NDEL1: variants seen among roughly 807,000 people sequenced by gnomAD.
The protein encoded by NDEL1 is nudE neurodevelopment protein 1 like 1, also known as nuclear distribution protein nudE-like 1.
NDEL1 carries 9 observed loss-of-function variants against 45.7 expected under a neutral mutation model. The observed-to-expected ratio is 0.20, with a 90% confidence interval of 0.12 to 0.34. The LOEUF is 0.34. Among genes scored for constraint, NDEL1 ranks in the 10% least tolerant of loss-of-function variants. The probability of loss-of-function intolerance (pLI) is 1.00; values close to 1 mark genes in which losing one functional copy is unlikely to be tolerated. For synonymous variants in NDEL1, 133 were observed against 158.6 expected, an observed-to-expected ratio of 0.84 and a Z score of 1.21; for missense variants, 306 against 406.2, an observed-to-expected ratio of 0.75 and a Z score of 2.12.
intron 1 of NDEL1, among the ~76,000 whole-genome samples, chr17:8,421,115 C>A (rs888523702): frequency 6.6e-6 from 1 of 152,066 alleles, no homozygotes; most frequent in Admixed American, 6.5e-5. Context: ...TAGAGATGAT[C>A]ATTTAGAATG....
At position 8,451,015 on chromosome 17, in the gene NDEL1, G is replaced by A. The variant is rs1422974871; in HGVS notation, c.700+62G>A. On this transcript the variant is annotated intron_variant, in intron 6 of 8. Transcript: ENST00000334527. ...GATGATCAGCTTACGGGGGTTTGTTGCTGAAGGCGGTTGCTAAGGTTTAAA... is the reference window on the plus strand; with the variant it reads ...GATGATCAGCTTACGGGGGTTTGTTACTGAAGGCGGTTGCTAAGGTTTAAA... The A allele has an allele frequency of 1.0e-5, 15 of 1,493,840 alleles. No homozygotes were observed. The Admixed American group carries it at 3.6e-4, about 36-fold the overall frequency. The allele number at this position is 1,493,840 out of a possible 1,614,324, so 92.5% of individuals were successfully genotyped here.
upstream of NDEL1, among the ~76,000 whole-genome samples, chr17:8,432,676 G>C (rs545310677): frequency 2.6e-5 from 4 of 151,862 alleles, no homozygotes; most frequent in Non-Finnish European, 5.9e-5. Flanking sequence ...GAGCCACTGC[G>C]CCTGGCCTAA....
At chr17:8,440,796 A>G (rs1386499609) in intron 1 of NDEL1, among the ~76,000 whole-genome samples, 1 of 152,230 alleles carries the variant, frequency 6.6e-6, no homozygotes, top group East Asian at 1.9e-4. Context: ...CTCAGGGATT[A>G]CTACTTAACT....
At chr17:8,457,303 G>C (rs1051296495) in intron 7 of NDEL1, among the ~76,000 whole-genome samples, 1 of 152,032 alleles carries the variant, frequency 6.6e-6, no homozygotes, top group Non-Finnish European at 1.5e-5. Flanking sequence ...TTTTACTCTT[G>C]GGTTAGTTCT....
intron 1 of NDEL1, among the ~76,000 whole-genome samples, chr17:8,426,878 C>T (rs1484729621): frequency 1.3e-5 from 2 of 152,164 alleles, no homozygotes; most frequent in African/African-American, 2.4e-5. Flanking sequence ...TACCATCACC[C>T]AGGGCAGGAC....
At chr17:8,427,035 G>A (rs1248275653) in intron 1 of NDEL1, among the ~76,000 whole-genome samples, 2 of 152,334 alleles carry the variant, frequency 1.3e-5, no homozygotes, top group Non-Finnish European at 2.9e-5. Flanking sequence ...GAAGCAGGCC[G>A]CATTCTCAGG....
downstream of NDEL1, among the ~76,000 whole-genome samples, chr17:8,472,744 A>AT (rs76962524): frequency 6.8e-6 from 1 of 146,914 alleles, no homozygotes; most frequent in Non-Finnish European, 1.5e-5. Context: ...AAATAAATAA[A>AT]AACAACAACA....
chr17:8,425,066 A>T (rs1170507195), intron 1 of NDEL1, among the ~76,000 whole-genome samples: 1 of 152,216 alleles, frequency 6.6e-6, no homozygotes, highest in Non-Finnish European at 1.5e-5. Flanking sequence ...CTCGTTTCTC[A>T]GTGCTCTTGT....
chr17:8,436,075 AG>A (rs1422396012), intron 1 of NDEL1, 30 bp downstream of exon 1: 1 of 400,710 alleles, frequency 2.5e-6, no homozygotes, highest in African/African-American at 2.2e-5. Context: ...CCGCTCCCTA[AG>A]GGGCTGCGCT....
chr17:8,470,831 G>T (rs1911816353), downstream of NDEL1, among the ~76,000 whole-genome samples: 1 of 152,240 alleles, frequency 6.6e-6, no homozygotes, highest in Non-Finnish European at 1.5e-5. The surrounding 1 kb of genome is among the most constrained non-coding windows in gnomAD (Gnocchi z 4.2). Flanking sequence ...TTTGTAGCAG[G>T]AGGAATCGGT....
At chr17:8,448,431 G>C in intron 4 of NDEL1, 119 bp from the exon 5 acceptor site, 1 of 1,068,902 alleles carries the variant, frequency 9.4e-7, no homozygotes, top group Non-Finnish European at 1.3e-6. Flanking sequence ...CATCTTCTTT[G>C]ATTGGGGCCA....
upstream of NDEL1, chr17:8,431,079 T>A (rs1908988842): frequency 6.6e-6 from 1 of 152,330 alleles, no homozygotes; most frequent in Non-Finnish European, 1.5e-5. Context: ...GCTTGGAAGA[T>A]GATGCCAACA....
downstream of NDEL1, among the ~76,000 whole-genome samples, chr17:8,472,691 A>G (rs1911879657): frequency 6.6e-6 from 1 of 151,870 alleles, no homozygotes; most frequent in Non-Finnish European, 1.5e-5. Flanking sequence ...TTATCCTTCC[A>G]AAGCAGTTTA....
intron 1 of NDEL1, among the ~76,000 whole-genome samples, chr17:8,413,689 G>A (rs1908477958): frequency 6.6e-6 from 1 of 152,218 alleles, no homozygotes; most frequent in Admixed American, 6.5e-5. Flanking sequence ...TTGCGATCAT[G>A]TCCTGGGACC....
chr17:8,436,137 C>G (rs923817958), intron 1 of NDEL1, 92 bp downstream of exon 1: 3 of 260,558 alleles, frequency 1.2e-5, no homozygotes, highest in African/African-American at 7.2e-5. Context: ...GGCCCGGGGC[C>G]GTGTCTGAGG....
downstream of NDEL1, among the ~76,000 whole-genome samples, chr17:8,470,110 TG>T (rs1314745647): frequency 2.0e-5 from 3 of 152,190 alleles, no homozygotes; most frequent in Admixed American, 6.5e-5. This position sits in a 1 kb window ranked among gnomAD's most constrained non-coding sequence, Gnocchi z 4.2. Context: ...GTTTGGACTG[TG>T]GGGTGTAAGA....
intron 7 of NDEL1, among the ~76,000 whole-genome samples, chr17:8,458,853 C>T (rs191432042): frequency 1.3e-5 from 2 of 151,996 alleles, no homozygotes; most frequent in African/African-American, 4.8e-5. Flanking sequence ...TAGCCTCCTG[C>T]GTAGCTGGGA....
At chr17:8,447,982 C>CGGGGGGGTGGGGGGGGGGGGG (rs1910198333) in intron 4 of NDEL1, among the ~76,000 whole-genome samples, 1 of 107,714 alleles carries the variant, frequency 9.3e-6, no homozygotes, top group Non-Finnish European at 1.9e-5. Flanking sequence ...GGGAGGTGGG[C>CGGGGGGGTGGGGGGGGGGGGG]GGGGGGGGGG....
chr17:8,438,601 A>G (rs774985408), intron 1 of NDEL1, among the ~76,000 whole-genome samples: 3 of 151,774 alleles, frequency 2.0e-5, no homozygotes, highest in Non-Finnish European at 2.9e-5. Flanking sequence ...CTGCAGCCTC[A>G]ACTTCCTGGA....
Sources: gnomAD v4.1 joint callset for allele counts (sites outside exome capture counted in the v4.1 genomes callset) on GRCh38, gnomAD v4.1.1 for gene constraint, Gnocchi (gnomAD v3.1) non-coding constraint, MANE v1.5 for transcripts, NCBI Gene and HGNC (gene_info 2026-07-23, HGNC 2026-07-21) for gene names.